The following ROBO1 variants were observed in gnomAD, a reference collection of about 807,000 sequenced individuals.
ROBO1 encodes roundabout guidance receptor 1, also known as roundabout homolog 1.
ROBO1 carries 149 observed loss-of-function variants against 195.9 expected under a neutral mutation model. That is an observed-to-expected ratio of 0.76 (90% CI 0.67 to 0.87). ROBO1 has a LOEUF of 0.87. ROBO1 is among the 40% of genes least tolerant of loss of function. The pLI, the probability that ROBO1 is intolerant of heterozygous loss-of-function variation, is 0.00. For synonymous variants in ROBO1, 816 were observed against 733.2 expected, an observed-to-expected ratio of 1.11 and a Z score of -1.82; for missense variants, 1,933 against 2,068.3, an observed-to-expected ratio of 0.93 and a Z score of 1.27.
chr3:79,039,969 T>C (rs996505097), intron 3 of ROBO1, among the ~76,000 whole-genome samples: 4 of 152,132 alleles, frequency 2.6e-5, no homozygotes, highest in African/African-American at 7.2e-5. Context: ...AATTATCTGA[T>C]ATATGGTAAA....
intron 2 of ROBO1, among the ~76,000 whole-genome samples, chr3:79,168,510 A>G (rs75017445): frequency 0.089 from 13,478 of 151,724 alleles, 1,028 homozygotes; most frequent in African/African-American, 0.21. Context: ...TAATATCACC[A>G]CTCTGGCTAG....
chr3:78,879,313 T>C (rs1287410568), intron 4 of ROBO1, among the ~76,000 whole-genome samples: 1 of 152,176 alleles, frequency 6.6e-6, no homozygotes, highest in African/African-American at 2.4e-5. Flanking sequence ...TCTGAGTTGA[T>C]ATATGTGTGA....
chr3:79,425,660 C>T (rs1194025031), intron 2 of ROBO1, among the ~76,000 whole-genome samples: 2 of 151,828 alleles, frequency 1.3e-5, no homozygotes, highest in African/African-American at 4.8e-5. Context: ...GAGCAAAGAC[C>T]ATGACTAAGG....
chr3:79,731,584 A>T (rs970976938), intron 1 of ROBO1, among the ~76,000 whole-genome samples: 1 of 152,164 alleles, frequency 6.6e-6, no homozygotes, highest in Admixed American at 6.6e-5. Flanking sequence ...AATTCCTGCC[A>T]TATTCAAAAA....
chr3:78,675,957 G>C (rs553186903), intron 10 of ROBO1, among the ~76,000 whole-genome samples: 1 of 151,994 alleles, frequency 6.6e-6, no homozygotes, highest in Non-Finnish European at 1.5e-5. Context: ...TCACAGGGCC[G>C]GGTACTCCTC....
chr3:79,569,595 T>C (rs1362144782), intron 2 of ROBO1, among the ~76,000 whole-genome samples: 5 of 151,908 alleles, frequency 3.3e-5, no homozygotes, highest in Admixed American at 6.6e-5. Context: ...AATGCGAGAA[T>C]TGGTAAGTAT....
chr3:79,733,702 T>C (rs1362700665), intron 1 of ROBO1, among the ~76,000 whole-genome samples: 2 of 152,216 alleles, frequency 1.3e-5, no homozygotes, highest in African/African-American at 4.8e-5. Flanking sequence ...ACAATCATGG[T>C]ATAGGAGTAT....
At chr3:79,205,446 C>T (rs574191390) in intron 2 of ROBO1, among the ~76,000 whole-genome samples, 3 of 152,158 alleles carry the variant, frequency 2.0e-5, no homozygotes, top group African/African-American at 7.2e-5. Context: ...TGTTATCTAC[C>T]TTTTCTCCAT....
intron 4 of ROBO1, among the ~76,000 whole-genome samples, chr3:78,913,523 C>G (rs1282808906): frequency 1.3e-5 from 2 of 152,006 alleles, no homozygotes; most frequent in African/African-American, 2.4e-5. Flanking sequence ...TCCATTGATT[C>G]ATTTTGGATT....
At chr3:79,321,638 A>G (rs1331160758) in intron 2 of ROBO1, among the ~76,000 whole-genome samples, 4 of 152,208 alleles carry the variant, frequency 2.6e-5, no homozygotes, top group Non-Finnish European at 5.9e-5. Context: ...GATAGCCTAG[A>G]ATGATATGAA....
At chr3:79,443,121 A>G (rs1156298254) in intron 2 of ROBO1, among the ~76,000 whole-genome samples, 1 of 152,170 alleles carries the variant, frequency 6.6e-6, no homozygotes, top group Admixed American at 6.6e-5. Context: ...TTAAAAGGAA[A>G]AGAAGTAAAA....
intron 3 of ROBO1, among the ~76,000 whole-genome samples, chr3:79,082,037 A>G (rs1159797808): frequency 6.6e-6 from 1 of 152,192 alleles, no homozygotes; most frequent in East Asian, 1.9e-4. Flanking sequence ...ATTCACTATT[A>G]GAAATATACA....
chr3:78,644,418 G>T (rs1409189728), intron 21 of ROBO1, among the ~76,000 whole-genome samples: 1 of 152,086 alleles, frequency 6.6e-6, no homozygotes, highest in Non-Finnish European at 1.5e-5. Context: ...TATATTGCAT[G>T]AATAAATAAT....
intron 1 of ROBO1, among the ~76,000 whole-genome samples, chr3:79,673,536 T>C (rs1946692517): frequency 6.6e-6 from 1 of 151,958 alleles, no homozygotes; most frequent in Admixed American, 6.6e-5. Flanking sequence ...ATAGGCACTA[T>C]CTCTATATTA....
rs188505835 is a variant in ROBO1, at chr3:79,601,401, C to A, written c.-50-11440G>T. On this transcript the variant is annotated intron_variant, in intron 1 of 30. Transcript: ENST00000464233. The stretch of plus-strand genomic sequence containing the variant: ...CATTTAAGCTGAAGAATGAACTGAG[C>A]AAATGAAGTTTTTGGCCAAAAGCTC... Among the ~76,000 whole-genome samples the A allele has an allele frequency of 5.2e-3, 783 of 152,026 alleles. 5 individuals are homozygous for A. The highest frequency in any genetic ancestry group is 0.016 in the African/African-American group (676 of 41,512).
intron 1 of ROBO1, among the ~76,000 whole-genome samples, chr3:79,620,203 G>A (rs931530348): frequency 7.9e-5 from 12 of 152,084 alleles, no homozygotes; most frequent in African/African-American, 9.7e-5. Flanking sequence ...TAACTCACCC[G>A]GCAACCACTC....
intron 2 of ROBO1, among the ~76,000 whole-genome samples, chr3:79,272,507 A>G (rs571438962): frequency 6.6e-6 from 1 of 152,210 alleles, no homozygotes; most frequent in South Asian, 2.1e-4. Context: ...GGAAAGAGGC[A>G]CTGAAGAGGG....
chr3:78,679,265 C>T (rs1379849316), intron 10 of ROBO1, among the ~76,000 whole-genome samples: 1 of 152,066 alleles, frequency 6.6e-6, no homozygotes, highest in Non-Finnish European at 1.5e-5. Context: ...AAAACTGGCA[C>T]AAGACAGGGA....
chr3:79,219,355 T>C (rs1290855119), intron 2 of ROBO1, among the ~76,000 whole-genome samples: 1 of 152,030 alleles, frequency 6.6e-6, no homozygotes, highest in Non-Finnish European at 1.5e-5. Flanking sequence ...ATTAGTTGCA[T>C]ACCGAGGAAG....
Sources: allele counts gnomAD v4.1 joint callset (sites outside exome capture counted in the v4.1 genomes callset), GRCh38; gene constraint gnomAD v4.1.1; transcripts MANE v1.5; gene names NCBI Gene and HGNC (gene_info 2026-07-23, HGNC 2026-07-21).